Variants in ZNF131 observed in about 807,000 individuals in gnomAD.
The protein encoded by ZNF131 is zinc finger protein 131.
Under a neutral mutation model 60.0 loss-of-function variants are expected in ZNF131, and 7 were observed. The ratio of observed to expected loss-of-function variants is 0.12; its 90% CI spans 0.07 to 0.22. The LOEUF is 0.22. Among genes scored for constraint, ZNF131 ranks in the 10% least tolerant of loss-of-function variants. The pLI, the probability that ZNF131 is intolerant of heterozygous loss-of-function variation, is 1.00. For synonymous variants in ZNF131, 257 were observed against 253.2 expected (o/e 1.01, Z -0.14); for missense variants, 493 against 740.9 (o/e 0.67, Z 3.88).
At chr5:43,136,416 A>G (rs1746090586) in intron 3 of ZNF131, among the ~76,000 whole-genome samples, 1 of 150,910 alleles carries the variant, frequency 6.6e-6, no homozygotes, top group African/African-American at 2.4e-5. Flanking sequence ...ATATGGAACC[A>G]CAGAAAATCA....
In ZNF131 at chr5:43,167,576, A is replaced by G. The variant is rs768826887; in HGVS notation, c.1054+5645A>G. Among the ~76,000 whole-genome samples the G allele has an allele frequency of 1.2e-4, 18 of 152,146 alleles. 1 individual carries two copies. The highest frequency in any genetic ancestry group is 1.2e-3 in the Admixed American group (18 of 15,278). On this transcript the variant is annotated intron_variant, in intron 5 of 6. Coordinates refer to ENST00000682664, the MANE Select transcript of ZNF131 (RefSeq NM_001330707.2). Reference sequence around the variant, plus strand: ...TTGGTTTCTTGTATGTTCATAAAGCATGCACTGTAATCTGTGGCTTGATTT... The same window carrying G: ...TTGGTTTCTTGTATGTTCATAAAGCGTGCACTGTAATCTGTGGCTTGATTT...
intron 4 of ZNF131, among the ~76,000 whole-genome samples, chr5:43,152,392 G>A (rs1366634581): frequency 2.6e-5 from 4 of 152,168 alleles, no homozygotes; most frequent in African/African-American, 9.7e-5. Context: ...CTATGAGAAT[G>A]GTAGTGGAGC....
chr5:43,166,483 C>T (rs1750367601), intron 5 of ZNF131, among the ~76,000 whole-genome samples: 1 of 151,494 alleles, frequency 6.6e-6, no homozygotes. Flanking sequence ...ACCTCAGCCT[C>T]CCAAATAGCT....
At chr5:43,142,020 TATGTCTCATCA>T (rs1451348907) in intron 4 of ZNF131, among the ~76,000 whole-genome samples, 8 of 151,998 alleles carry the variant, frequency 5.3e-5, no homozygotes, top group Non-Finnish European at 1.0e-4. Flanking sequence ...TGTTTCTTTG[TATGTCTCATCA>T]TTTTTTTTGG....
intron 4 of ZNF131, among the ~76,000 whole-genome samples, chr5:43,155,421 G>A (rs34544254): frequency 6.6e-6 from 1 of 152,186 alleles, no homozygotes; most frequent in African/African-American, 2.4e-5. Context: ...TCAGGGTTCA[G>A]CAAGTCCAAA....
At chr5:43,136,826 A>G (rs1046763674) in intron 3 of ZNF131, among the ~76,000 whole-genome samples, 2 of 151,948 alleles carry the variant, frequency 1.3e-5, no homozygotes. Context: ...TTACAGAGCT[A>G]CAATAACCAA....
intron 6 of ZNF131, among the ~76,000 whole-genome samples, chr5:43,173,747 T>TC (rs35900381): frequency 0.2 from 29,682 of 151,064 alleles, 3,227 homozygotes; most frequent in Middle Eastern, 0.33. Flanking sequence ...GTAATTAGAT[T>TC]CCCCCCCCAT....
At chr5:43,167,955 T>C in intron 5 of ZNF131, 1 of 453,730 alleles carries the variant, frequency 2.2e-6, no homozygotes, top group South Asian at 1.6e-5. Flanking sequence ...AGTTCACTGT[T>C]ATGAGGCCAC....
chr5:43,174,454 A>G lies in ZNF131; in HGVS notation c.1193A>G (p.Asn398Ser), dbSNP rs1458214851. The change falls in exon 7 of 7, where the codon AAC becomes AGC. Residue 398 changes from asparagine to serine, a missense_variant. Transcript: ENST00000682664. ...RKKLYECQVCNSVFNSWDQFK... is the reference protein window; with the variant it reads ...RKKLYECQVCSSVFNSWDQFK... The stretch of plus-strand genomic sequence containing the variant: ...TATTTTTGGTTATTTCAGGTCTGCA[A>G]CAGTGTGTTTAACAGCTGGGACCAG... 3 of 1,522,508 alleles carry G rather than the reference A, an allele frequency of 2.0e-6. No individual in the cohort carries two copies. The highest frequency in any genetic ancestry group is 2.7e-5 in the South Asian group (2 of 75,408). 94.3% of individuals were successfully genotyped at this position (1,522,508 alleles called of 1,614,324 possible).
chr5:43,174,342 T>G (rs1751347363), intron 6 of ZNF131, 105 bp from the exon 7 acceptor site: 2 of 1,041,362 alleles, frequency 1.9e-6, no homozygotes, highest in Admixed American at 3.5e-5. Flanking sequence ...TTTATAACAT[T>G]TACAGAATAA....
intron 4 of ZNF131, among the ~76,000 whole-genome samples, chr5:43,140,939 A>G (rs937253780): frequency 6.6e-6 from 1 of 152,132 alleles, no homozygotes; most frequent in Non-Finnish European, 1.5e-5. Flanking sequence ...GGCTGGTCTC[A>G]AACTCCCAAC....
At chr5:43,172,406 A>AG (rs1372440343) in intron 5 of ZNF131, among the ~76,000 whole-genome samples, 1 of 152,198 alleles carries the variant, frequency 6.6e-6, no homozygotes, top group Non-Finnish European at 1.5e-5. Context: ...AGATCACCTG[A>AG]GGTCAGGAGT....
chr5:43,138,678 A>G (rs1237502259), intron 3 of ZNF131, among the ~76,000 whole-genome samples: 1 of 152,162 alleles, frequency 6.6e-6, no homozygotes, highest in Non-Finnish European at 1.5e-5. Context: ...CAAGTCAGCT[A>G]TTAGAAAGTG....
chr5:43,139,018 T>A (rs1746478372), intron 3 of ZNF131, 147 bp from the exon 4 acceptor site: 1 of 586,998 alleles, frequency 1.7e-6, no homozygotes, highest in Non-Finnish European at 2.6e-6. Context: ...GTAATATTAT[T>A]GTATTGCTAA....
chr5:43,161,833 A>T lies in ZNF131; in HGVS notation c.956A>T (p.Lys319Met). The T allele has an allele frequency of 6.2e-7, 1 of 1,614,228 alleles. No homozygotes were observed. Among genetic ancestry groups the T allele is most frequent in the Non-Finnish European group, 8.5e-7 (1 of 1,180,042 alleles). The change falls in exon 5 of 7, where the codon AAG becomes ATG. Residue 319 changes from lysine (K) to methionine (M), a missense_variant. Physicochemically the swap from Lys to Met is moderately conservative, Grantham distance 95. Around this residue, in one of 7 missense-constraint regions of ZNF131, gnomAD observed 22 missense variants for 26.7 expected, o/e 0.82. Transcript: ENST00000682664. Reference protein sequence around the residue: ...CYHLEEGGVSKKQRTGKKIHV... With the variant: ...CYHLEEGGVSMKQRTGKKIHV... ...CACCTTGAAGAAGGTGGAGTCAGTAAGAAGCAAAGAACTGGGAAAAAAATT... is the reference window on the plus strand; with the variant it reads ...CACCTTGAAGAAGGTGGAGTCAGTATGAAGCAAAGAACTGGGAAAAAAATT...
rs908886049 is a variant in ZNF131, at chr5:43,142,529, C to T, written c.371+3220C>T. 4.0e-5 allele frequency among the ~76,000 whole-genome samples: 6 copies of T among 151,816 alleles called. No homozygotes were observed. In the East Asian group the frequency reaches 1.2e-3, roughly 30 times the overall value. On this transcript the variant is annotated intron_variant, in intron 4 of 6. Transcript: ENST00000682664. ...CCGTCTTGGCCAGGCTGGTCTTGAC[C>T]TCCTGACCTCGTGATCCACCTGCCT...
At chr5:43,152,622 T>C (rs1748464095) in intron 4 of ZNF131, among the ~76,000 whole-genome samples, 1 of 151,878 alleles carries the variant, frequency 6.6e-6, no homozygotes, top group Non-Finnish European at 1.5e-5. Context: ...TGTTTTGTTT[T>C]TGGAGACAGG....
At chr5:43,149,675 GT>G (rs1353232051) in intron 4 of ZNF131, among the ~76,000 whole-genome samples, 1 of 152,148 alleles carries the variant, frequency 6.6e-6, no homozygotes, top group Non-Finnish European at 1.5e-5. Context: ...GAATGCTCCA[GT>G]TTTTCACAGC....
At chr5:43,155,979 C>G (rs904228863) in intron 4 of ZNF131, among the ~76,000 whole-genome samples, 1 of 152,190 alleles carries the variant, frequency 6.6e-6, no homozygotes, top group African/African-American at 2.4e-5. Flanking sequence ...GATAGAGACA[C>G]TGCACTAAAT....
Sources: allele counts gnomAD v4.1 joint callset (sites outside exome capture counted in the v4.1 genomes callset), GRCh38; gene constraint gnomAD v4.1.1; regional missense constraint gnomAD v4.1.1; transcripts MANE v1.5; gene names NCBI Gene and HGNC (gene_info 2026-07-23, HGNC 2026-07-21).